GPN1: variants seen among roughly 807,000 people sequenced by gnomAD.
GPN1 encodes GPN-loop GTPase 1.
A neutral mutation model predicts 55.9 loss-of-function variants in GPN1; 44 were observed. The ratio of observed to expected loss-of-function variants is 0.79; its 90% CI spans 0.62 to 1.01. The LOEUF (loss-of-function observed/expected upper bound fraction) is 1.01. Among genes scored for constraint, GPN1 ranks in the 50% least tolerant of loss-of-function variants. The probability of loss-of-function intolerance (pLI) is 0.00; values close to 1 mark genes in which losing one functional copy is unlikely to be tolerated. For missense variants in GPN1, 466 were observed against 462.8 expected (o/e 1.01, Z -0.06); for synonymous variants, 179 against 162.5 (o/e 1.10, Z -0.77).
chr2:27,638,971 C>A lies in GPN1; in HGVS notation c.657C>A (p.Tyr219Ter). Residue 219 changes from tyrosine to a stop codon, truncating the protein, a stop_gained, in exon 9 of 14, where the codon TAC becomes TAA. Transcript: ENST00000610189. LOFTEE classifies it high-confidence loss of function. ...FQDALNQETT[Y>*]VSNLTRSMSL... is the part of the protein sequence containing the mutation. ...ATGCCTTGAATCAAGAGACTACATA[C>A]GTCAGTAACCTGACTCGTTCAATGA... 2 of 1,612,788 alleles carry A rather than the reference C, an allele frequency of 1.2e-6. No individual in the cohort carries two copies. Among genetic ancestry groups the A allele is most frequent in the Non-Finnish European group, 1.7e-6 (2 of 1,178,848 alleles).
rs1673563480 is a variant in GPN1, at chr2:27,631,814, G to A, written c.246-20G>A. The A allele has an allele frequency of 1.4e-6, 2 of 1,464,776 alleles. No homozygotes were observed. Among genetic ancestry groups the A allele is most frequent in the Non-Finnish European group, 1.9e-6 (2 of 1,043,800 alleles). The allele number at this position is 1,464,776 out of a possible 1,614,324, so 90.7% of individuals were successfully genotyped here. A position where few individuals can be genotyped will look rare whatever the true frequency, so the allele number is the denominator to read the frequency against. ...ATAATCTAATCTATAAGCGATTTCA[G>A]TCCTCAACTTGGTGTCTAGATATGG... On this transcript the variant is annotated intron_variant, in intron 3 of 13. Transcript: ENST00000610189.
intron 11 of GPN1, among the ~76,000 whole-genome samples, chr2:27,641,697 G>C (rs1046285951): frequency 6.6e-6 from 1 of 152,248 alleles, no homozygotes; most frequent in African/African-American, 2.4e-5. Flanking sequence ...GGGCTTAAGC[G>C]ATCCTCCCAT....
In GPN1 at chr2:27,629,163, T is replaced by A; in HGVS notation, c.105T>A (p.Phe35Leu). Reference protein sequence around the residue: ...LGMAGSGKTTFVQRLTGHLHA... With the variant: ...LGMAGSGKTTLVQRLTGHLHA... ...TGGCGGGATCCGGGAAAACCACTTT[T>A]GTACAGGTGACGTACACAGCATGGG... Residue 35 changes from phenylalanine to leucine, a missense_variant, in exon 1 of 14, where the codon TTT (phenylalanine) becomes TTA (leucine). Physicochemically the swap from Phe to Leu is conservative, Grantham distance 22. Coordinates refer to ENST00000610189, the MANE Select transcript of GPN1 (RefSeq NM_007266.4). 6.2e-7 allele frequency: 1 copy of A among 1,614,140 alleles called. No homozygotes were observed. The highest frequency in any genetic ancestry group is 1.1e-5 in the South Asian group (1 of 91,084).
chr2:27,649,651 C>G (rs1674424787), intron 13 of GPN1, among the ~76,000 whole-genome samples: 1 of 152,108 alleles, frequency 6.6e-6, no homozygotes, highest in Non-Finnish European at 1.5e-5. Flanking sequence ...TTGCATTTGA[C>G]TTTTTTGACT....
chr2:27,637,510 G>A (rs1329321721), intron 7 of GPN1, among the ~76,000 whole-genome samples: 1 of 151,758 alleles, frequency 6.6e-6, no homozygotes, highest in Non-Finnish European at 1.5e-5. Flanking sequence ...ATAAAGGTAG[G>A]GGTAGAAACA....
rs967556195 is a variant in GPN1 at position 27,651,086 on chromosome 2, G to A, written c.*886G>A. 6.6e-6 allele frequency: 1 copy of A among 152,324 alleles called. No homozygotes were observed. The highest frequency in any genetic ancestry group is 2.4e-5 in the African/African-American group (1 of 41,440). The allele number at this position is 152,324 out of a possible 1,614,324, so 9.4% of individuals were successfully genotyped here. The stretch of plus-strand genomic sequence containing the variant: ...CCTTGGTGATTTTCGCAAAGTCCGT[G>A]GATTTGGGTCAGAGGCACATTTCAT... On this transcript the variant is annotated 3_prime_UTR_variant, in exon 14 of 14. Transcript: ENST00000610189.
chr2:27,649,277 AC>A (rs1315608550), intron 13 of GPN1, among the ~76,000 whole-genome samples: 13 of 151,138 alleles, frequency 8.6e-5, no homozygotes, highest in East Asian at 2.0e-4. Context: ...ACAAAAAAAC[AC>A]GAAAACCACC....
intron 5 of GPN1, among the ~76,000 whole-genome samples, chr2:27,634,530 A>G (rs573523335): frequency 6.6e-6 from 1 of 152,292 alleles, no homozygotes; most frequent in East Asian, 1.9e-4. Context: ...AAGCAACCAG[A>G]TGTTTCCCAA....
At chr2:27,647,432 T>G (rs1186452765) in intron 12 of GPN1, among the ~76,000 whole-genome samples, 2 of 152,208 alleles carry the variant, frequency 1.3e-5, no homozygotes, top group Non-Finnish European at 2.9e-5. Context: ...GAACTTACAT[T>G]TCCACCAGGA....
At position 27,650,125 on chromosome 2, in the gene GPN1, A is replaced by G. The variant is rs928059381; in HGVS notation, c.1050A>G (p.Glu350=). 1 of 1,595,642 alleles carries G rather than the reference A, an allele frequency of 6.3e-7. No individual in the cohort carries two copies. Among genetic ancestry groups the G allele is most frequent in the Non-Finnish European group, 8.6e-7 (1 of 1,163,360 alleles). ...TDDIDHRVTE[E]SHEEPAFQNF... The stretch of plus-strand genomic sequence containing the variant: ...CTTTTTTCCTTGCAGTTACAGAGGA[A>G]AGCCATGAAGAGCCAGCATTCCAGA... Residue 350 remains glutamate, a synonymous_variant, in exon 14 of 14, where the codon GAA becomes GAG. Coordinates refer to ENST00000610189, the MANE Select transcript of GPN1 (RefSeq NM_007266.4).
At chr2:27,632,020 T>A (rs1179473610) in intron 4 of GPN1, 120 bp downstream of exon 4, 1 of 708,316 alleles carries the variant, frequency 1.4e-6, no homozygotes, top group Non-Finnish European at 2.6e-6. Flanking sequence ...AGAAAATAAG[T>A]AGGCATTTTG....
intron 5 of GPN1, among the ~76,000 whole-genome samples, chr2:27,633,178 T>C (rs1261619976): frequency 2.6e-5 from 4 of 152,214 alleles, no homozygotes; most frequent in Non-Finnish European, 5.9e-5. Flanking sequence ...ATTTATAAGA[T>C]GAAACCATCA....
At chr2:27,640,006 T>C in intron 9 of GPN1, 37 bp from the exon 10 acceptor site, 1 of 1,253,710 alleles carries the variant, frequency 8.0e-7, no homozygotes, top group Non-Finnish European at 1.2e-6. Context: ...AAATATACAA[T>C]GGTTTCTTTA....
At position 27,643,197 on chromosome 2, in the gene GPN1, A is replaced by ATT. The variant is rs199697263; in HGVS notation, c.931+690_931+691dup. Among the ~76,000 whole-genome samples, 6 of 144,418 alleles carry ATT rather than the reference A, an allele frequency of 4.2e-5. No homozygotes were observed. The highest frequency in any genetic ancestry group is 1.5e-4 in the African/African-American group (6 of 39,564). The allele number at this position is 144,418 out of a possible 152,430, so 94.7% of individuals were successfully genotyped here. ...TCAATTTTTTTTATAATTAAAAAAA[A>ATT]TTTTTTTTTTTTTACAGTTTGACCT... is the stretch of plus-strand genomic sequence containing the variant. On this transcript the variant is annotated intron_variant, in intron 12 of 13. Coordinates refer to ENST00000610189, the MANE Select transcript of GPN1 (RefSeq NM_007266.4). The surrounding 1 kb of genome is among the most constrained non-coding windows in gnomAD (Gnocchi z 4.0).
upstream of GPN1, chr2:27,628,972 T>C (rs562177255): frequency 8.7e-4 from 1,371 of 1,582,378 alleles, no homozygotes; most frequent in Non-Finnish European, 1.1e-3. Context: ...GACGCTGTGG[T>C]GGTTTTCGTT....
In GPN1 at chr2:27,650,217, T is replaced by C. The variant is rs1302433708; in HGVS notation, c.*17T>C. ...AATAAATAGGAGACTTTAGCACACT[T>C]CACTTGTTTCTAGAAGTCCAGAATT... is the stretch of plus-strand genomic sequence containing the variant. On this transcript the variant is annotated 3_prime_UTR_variant, in exon 14 of 14. Transcript: ENST00000610189. 2 of 1,443,292 alleles carry C rather than the reference T, an allele frequency of 1.4e-6. No homozygotes were observed. Among genetic ancestry groups the C allele is most frequent in the Non-Finnish European group, 1.9e-6 (2 of 1,026,032 alleles). 89.4% of individuals were successfully genotyped at this position (1,443,292 alleles called of 1,614,324 possible).
intron 11 of GPN1, among the ~76,000 whole-genome samples, chr2:27,641,695 G>A (rs1336731446): frequency 6.6e-6 from 1 of 152,190 alleles, no homozygotes; most frequent in Non-Finnish European, 1.5e-5. Context: ...TTGGGCTTAA[G>A]CGATCCTCCC....
chr2:27,650,855 T>C lies in GPN1; in HGVS notation c.*655T>C, dbSNP rs578122100. On this transcript the variant is annotated 3_prime_UTR_variant, in exon 14 of 14. Coordinates refer to ENST00000610189, the MANE Select transcript of GPN1 (RefSeq NM_007266.4). Reference sequence around the variant, plus strand: ...AGACTTTTTAATTTTAACTTTGTTCTAAGACTGCTTGTCATGATTTCAAAT... The same window carrying C: ...AGACTTTTTAATTTTAACTTTGTTCCAAGACTGCTTGTCATGATTTCAAAT... The C allele has an allele frequency of 9.8e-5, 15 of 152,952 alleles. No homozygotes were observed. Among genetic ancestry groups the C allele is most frequent in the African/African-American group, 3.1e-4 (13 of 41,598 alleles). 9.5% of individuals were successfully genotyped at this position (152,952 alleles called of 1,614,324 possible).
Position 27,638,944 on chromosome 2 carries a change from A to C in GPN1, c.630A>C (p.Gln210His), listed in dbSNP as rs72819557. Residue 210 changes from glutamine to histidine, a missense_variant, in exon 9 of 14, where the codon CAA becomes CAC. Transcript: ENST00000610189. ...VEWMQDFEAF[Q>H]DALNQETTYV... ...GGATGCAGGATTTTGAGGCTTTCCA[A>C]GATGCCTTGAATCAAGAGACTACAT... The C allele has an allele frequency of 1.8e-3, 2,843 of 1,613,628 alleles. 8 individuals carry two copies. Among genetic ancestry groups the C allele is most frequent in the Middle Eastern group, 5.1e-3 (31 of 6,062 alleles).
Sources: allele counts gnomAD v4.1 joint callset (sites outside exome capture counted in the v4.1 genomes callset), GRCh38; gene constraint gnomAD v4.1.1; non-coding constraint Gnocchi (gnomAD v3.1); transcripts MANE v1.5; gene names NCBI Gene and HGNC (gene_info 2026-07-23, HGNC 2026-07-21).